CSMD1: variants seen among roughly 807,000 people sequenced by gnomAD.
CSMD1 encodes CUB and sushi domain-containing protein 1.
CSMD1 carries 213 observed loss-of-function variants against 417.5 expected under a neutral mutation model. That is an observed-to-expected ratio of 0.51 (90% CI 0.46 to 0.57). The LOEUF is 0.57. Ranked by LOEUF, CSMD1 falls within the 20% of genes least tolerant of loss-of-function variation. The pLI, the probability that CSMD1 is intolerant of heterozygous loss-of-function variation, is 0.00. For synonymous variants in CSMD1, 2,862 were observed against 1,736.8 expected (o/e 1.65, Z -16.11); for missense variants, 6,923 against 4,529.7 (o/e 1.53, Z -15.17).
intron 2 of CSMD1, among the ~76,000 whole-genome samples, chr8:4,604,576 CA>C (rs1416869714): frequency 1.3e-5 from 2 of 151,948 alleles, no homozygotes; most frequent in African/African-American, 4.8e-5. Context: ...TCTAATTTGT[CA>C]ACAGAATACC....
At chr8:3,870,654 G>C (rs550082473) in intron 5 of CSMD1, among the ~76,000 whole-genome samples, 6 of 152,062 alleles carry the variant, frequency 3.9e-5, no homozygotes, top group South Asian at 4.1e-4. Context: ...ACTTATTTTT[G>C]CTTTTATTTA....
intron 2 of CSMD1, among the ~76,000 whole-genome samples, chr8:4,608,015 T>G (rs889609329): frequency 6.6e-6 from 1 of 152,004 alleles, no homozygotes; most frequent in Non-Finnish European, 1.5e-5. Context: ...TCAGGGATAA[T>G]GTGAGGGTGT....
chr8:4,934,506 G>A, intron 1 of CSMD1, among the ~76,000 whole-genome samples: 1 of 152,284 alleles, frequency 6.6e-6, no homozygotes, highest in Middle Eastern at 3.4e-3. Flanking sequence ...TTATCAGAGA[G>A]AGCTTCCGGG....
intron 5 of CSMD1, among the ~76,000 whole-genome samples, chr8:3,920,381 G>A (rs1055495388): frequency 7.9e-5 from 12 of 151,538 alleles, no homozygotes; most frequent in African/African-American, 2.9e-4. Context: ...GTGTTTATGT[G>A]TGTGTGGACA....
chr8:4,211,636 T>C (rs558834250), intron 3 of CSMD1, among the ~76,000 whole-genome samples: 28 of 152,330 alleles, frequency 1.8e-4, no homozygotes, highest in African/African-American at 6.5e-4. Flanking sequence ...AAATATCCCA[T>C]CGTACTAAAA....
chr8:3,604,498 G>A (rs1018433945), intron 8 of CSMD1, among the ~76,000 whole-genome samples: 5 of 152,132 alleles, frequency 3.3e-5, no homozygotes, highest in Admixed American at 6.6e-5. Context: ...ATGAAGACGT[G>A]CTAAAGAGGA....
chr8:3,320,425 C>T (rs1436158830), intron 23 of CSMD1, among the ~76,000 whole-genome samples: 2 of 152,178 alleles, frequency 1.3e-5, no homozygotes, highest in African/African-American at 4.8e-5. Context: ...TTTATGAAAA[C>T]ACGATAAGCT....
At chr8:3,513,384 G>A (rs1585283735) in intron 10 of CSMD1, among the ~76,000 whole-genome samples, 2 of 150,126 alleles carry the variant, frequency 1.3e-5, no homozygotes, top group Middle Eastern at 3.4e-3. Context: ...TACCCAGGCT[G>A]GTGTGGAGTG....
intron 3 of CSMD1, among the ~76,000 whole-genome samples, chr8:4,033,267 T>G (rs2554569): frequency 1.3e-5 from 2 of 151,634 alleles, no homozygotes; most frequent in Admixed American, 1.3e-4. Flanking sequence ...GGTGAAACCC[T>G]GTCTCTACTA....
chr8:4,773,391 A>G (rs1318896652), intron 1 of CSMD1, among the ~76,000 whole-genome samples: 1 of 152,136 alleles, frequency 6.6e-6, no homozygotes, highest in African/African-American at 2.4e-5. Flanking sequence ...AAATCCCAAT[A>G]GCTCCTTGTT....
At chr8:4,022,679 G>A (rs1796849733) in intron 4 of CSMD1, among the ~76,000 whole-genome samples, 1 of 152,142 alleles carries the variant, frequency 6.6e-6, no homozygotes, top group Non-Finnish European at 1.5e-5. Flanking sequence ...TAGATTTGGG[G>A]GAAATGAAGG....
chr8:3,486,221 G>T (rs988332064), intron 11 of CSMD1, among the ~76,000 whole-genome samples: 1 of 152,214 alleles, frequency 6.6e-6, no homozygotes, highest in African/African-American at 2.4e-5. Context: ...GATAACTATA[G>T]TAATACAATA....
chr8:4,229,808 C>G (rs1021862361), intron 3 of CSMD1, among the ~76,000 whole-genome samples: 2 of 152,090 alleles, frequency 1.3e-5, no homozygotes, highest in African/African-American at 4.8e-5. Context: ...CCTTTTTTCC[C>G]TCACAAACGT....
rs563435952 is a variant in CSMD1, at chr8:4,113,526, T to C, written c.416-81427A>G. 2.4e-4 allele frequency among the ~76,000 whole-genome samples: 36 copies of C among 150,684 alleles called. No homozygotes were observed. The East Asian group carries it at 7.2e-3, about 30-fold the overall frequency. ...TTCAAGCAATTCTCCTGCCTCTGCC[T>C]CCTGAGTAGCTGGGATTACAGGCAC... On this transcript the variant is annotated intron_variant, in intron 3 of 69. Coordinates refer to ENST00000635120, the MANE Select transcript of CSMD1 (RefSeq NM_033225.6).
intron 1 of CSMD1, among the ~76,000 whole-genome samples, chr8:4,725,136 T>G (rs1809342273): frequency 6.6e-6 from 1 of 152,214 alleles, no homozygotes. Flanking sequence ...TTTTACACAT[T>G]ATAAAAGTGT....
At chr8:4,035,853 T>A (rs1797588316) in intron 3 of CSMD1, among the ~76,000 whole-genome samples, 1 of 152,194 alleles carries the variant, frequency 6.6e-6, no homozygotes, top group Non-Finnish European at 1.5e-5. Context: ...TTATGAAGTC[T>A]ACAGTCGTAC....
At chr8:3,304,194 A>C (rs1394365684) in intron 25 of CSMD1, among the ~76,000 whole-genome samples, 1 of 152,194 alleles carries the variant, frequency 6.6e-6, no homozygotes. Flanking sequence ...CATTTATATT[A>C]AGATATTTTA....
intron 3 of CSMD1, among the ~76,000 whole-genome samples, chr8:4,054,265 G>C (rs1363220054): frequency 2.4e-5 from 3 of 124,500 alleles, no homozygotes; most frequent in East Asian, 2.5e-4. Context: ...AGAGTTAAGA[G>C]GTGACGGGGA....
chr8:4,419,472 C>A (rs982772429), intron 3 of CSMD1, among the ~76,000 whole-genome samples: 2 of 152,100 alleles, frequency 1.3e-5, no homozygotes, highest in Admixed American at 6.6e-5. Context: ...ACAAATAAGT[C>A]TCTATGCCTT....
Sources: allele counts gnomAD v4.1 joint callset (sites outside exome capture counted in the v4.1 genomes callset), GRCh38; gene constraint gnomAD v4.1.1; transcripts MANE v1.5; gene names NCBI Gene and HGNC (gene_info 2026-07-23, HGNC 2026-07-21).